The following LRBA variants were observed in gnomAD, a reference collection of about 807,000 sequenced individuals.
LRBA encodes the protein lipopolysaccharide-responsive and beige-like anchor protein.
In LRBA, 176 loss-of-function variants were observed where a neutral mutation model predicts 330.0. That is an observed-to-expected ratio of 0.53 (90% confidence interval 0.47 to 0.60). The LOEUF (loss-of-function observed/expected upper bound fraction) is 0.60, where lower values mean the gene tolerates loss of function less well. Ranked by LOEUF, LRBA falls within the 20% of genes least tolerant of loss-of-function variation. The pLI is 0.00. For missense variants in LRBA, 3,259 were observed against 3,444.8 expected, an observed-to-expected ratio of 0.95 and a Z score of 1.35; for synonymous variants, 1,230 against 1,193.0, an observed-to-expected ratio of 1.03 and a Z score of -0.64.
chr4:150,779,808 C>A (rs1172587157), intron 34 of LRBA, among the ~76,000 whole-genome samples: 1 of 152,046 alleles, frequency 6.6e-6, no homozygotes, highest in African/African-American at 2.4e-5. Flanking sequence ...CAACCTCAAT[C>A]CATTTGTAAA....
chr4:150,445,371 CTCTCTCTATATA>C (rs1205139592), intron 44 of LRBA, among the ~76,000 whole-genome samples: 44 of 84,382 alleles, frequency 5.2e-4, no homozygotes, highest in East Asian at 3.0e-3. Context: ...CTCTCTCTCT[CTCTCTCTATATA>C]TATATATATA....
chr4:150,814,776 TG>T (rs1362714162), intron 31 of LRBA, among the ~76,000 whole-genome samples: 1 of 152,034 alleles, frequency 6.6e-6, no homozygotes, highest in Non-Finnish European at 1.5e-5. Context: ...CATTATGAGC[TG>T]GATCAATGGT....
At chr4:150,930,502 T>A (rs540561324) in intron 2 of LRBA, among the ~76,000 whole-genome samples, 46 of 151,394 alleles carry the variant, frequency 3.0e-4, no homozygotes, top group Admixed American at 4.6e-4. Flanking sequence ...CAAAAAAAAA[T>A]AAAAATAAAA....
chr4:150,481,011 C>T (rs1357657168), intron 42 of LRBA, among the ~76,000 whole-genome samples: 1 of 152,136 alleles, frequency 6.6e-6, no homozygotes, highest in Non-Finnish European at 1.5e-5. Context: ...TTTTGATCCT[C>T]GAGTATCCAC....
chr4:150,422,127 T>C (rs1748889474), intron 46 of LRBA, among the ~76,000 whole-genome samples: 1 of 152,080 alleles, frequency 6.6e-6, no homozygotes. Flanking sequence ...TCGGGCATCA[T>C]GGCATATGTC....
intron 40 of LRBA, among the ~76,000 whole-genome samples, chr4:150,570,612 TTC>T (rs1769718411): frequency 6.6e-6 from 1 of 152,220 alleles, no homozygotes; most frequent in East Asian, 1.9e-4. Flanking sequence ...GAGTCATTCA[TTC>T]TCTTTTTGTA....
intron 46 of LRBA, among the ~76,000 whole-genome samples, chr4:150,423,882 G>T (rs532501868): frequency 6.6e-6 from 1 of 152,288 alleles, no homozygotes; most frequent in South Asian, 2.1e-4. Context: ...AATAGAGAAA[G>T]AATATATTTT....
chr4:150,828,711 T>G (rs1282554997), intron 29 of LRBA, 90 bp from the exon 30 acceptor site: 1 of 1,111,704 alleles, frequency 9.0e-7, no homozygotes, highest in East Asian at 2.4e-5. Flanking sequence ...AGCTATCTAC[T>G]GTTTTGAATT....
intron 34 of LRBA, among the ~76,000 whole-genome samples, chr4:150,781,920 T>A (rs1016502000): frequency 6.6e-6 from 1 of 152,150 alleles, no homozygotes; most frequent in Non-Finnish European, 1.5e-5. Flanking sequence ...TTTTTTTAAT[T>A]TTTTTGAGAA....
intron 40 of LRBA, among the ~76,000 whole-genome samples, chr4:150,499,693 C>T (rs1760014249): frequency 6.6e-6 from 1 of 151,364 alleles, no homozygotes; most frequent in African/African-American, 2.4e-5. Context: ...TAGTCATAAG[C>T]TTTCTATTCC....
At chr4:150,892,275 T>C (rs1729549070) in intron 17 of LRBA, among the ~76,000 whole-genome samples, 1 of 152,224 alleles carries the variant, frequency 6.6e-6, no homozygotes, top group Non-Finnish European at 1.5e-5. Context: ...ATGACTGTAA[T>C]GGACCAAATG....
At position 150,870,587 on chromosome 4, in the gene LRBA, C is replaced by A. The variant is rs1346850653; in HGVS notation, c.2387G>T (p.Gly796Val). The A allele has an allele frequency of 6.4e-7, 1 of 1,565,246 alleles. No homozygotes were observed. Among genetic ancestry groups the A allele is most frequent in the East Asian group, 2.2e-5 (1 of 44,514 alleles). ...VLFEILIEQI[G>V]TQVIHKQHPD... ...ATGCTGTTTATGTATCACCTGAGTA[C>A]CAATCTGTTCTATAAGAATCTACAG... Residue 796 changes from glycine to valine, a missense_variant, in exon 20 of 57, where the codon GGT becomes GTT. Physicochemically the swap from Gly to Val is moderately radical, Grantham distance 109. Transcript: ENST00000651943.
intron 46 of LRBA, among the ~76,000 whole-genome samples, chr4:150,419,640 T>G (rs1465289306): frequency 1.4e-5 from 2 of 145,558 alleles, no homozygotes; most frequent in Non-Finnish European, 3.0e-5. Context: ...TATCTTTTTT[T>G]TTTTTTTTTT....
intron 40 of LRBA, among the ~76,000 whole-genome samples, chr4:150,559,866 A>T (rs9998999): frequency 2.6e-5 from 2 of 75,652 alleles, no homozygotes; most frequent in African/African-American, 1.1e-4. Context: ...AATTATATAT[A>T]ATATATAATT....
chr4:150,661,034 C>A lies in LRBA; in HGVS notation c.5921+22517G>T, dbSNP rs1435466421. On this transcript the variant is annotated intron_variant, in intron 37 of 56. Coordinates refer to ENST00000651943, the MANE Select transcript of LRBA (RefSeq NM_001364905.1). ...ATTGTCCCATGACCCTGCCAAATCCCCCTCTGTGAGAAACACCCAAGAATT... is the reference window on the plus strand; with the variant it reads ...ATTGTCCCATGACCCTGCCAAATCCACCTCTGTGAGAAACACCCAAGAATT... 4.1e-5 allele frequency among the ~76,000 whole-genome samples: 5 copies of A among 121,160 alleles called. No individual in the cohort carries two copies. The Admixed American group carries it at 4.3e-4, about 10-fold the overall frequency. 79.5% of individuals were successfully genotyped at this position (121,160 alleles called of 152,430 possible).
chr4:150,302,992 A>G (rs1334886207), intron 52 of LRBA, among the ~76,000 whole-genome samples, 200 bp from the exon 53 acceptor site: 1 of 152,220 alleles, frequency 6.6e-6, no homozygotes, highest in East Asian at 1.9e-4. Context: ...AATTGTTAAC[A>G]TTTTTGAAAG....
At chr4:150,305,180 C>T (rs547918446) in intron 52 of LRBA, among the ~76,000 whole-genome samples, 1 of 152,234 alleles carries the variant, frequency 6.6e-6, no homozygotes, top group East Asian at 1.9e-4. Flanking sequence ...TTGCAAAGAA[C>T]AGCTATTCAC....
At chr4:150,833,589 CT>C (rs1364879397) in intron 28 of LRBA, among the ~76,000 whole-genome samples, 12 of 151,992 alleles carry the variant, frequency 7.9e-5, no homozygotes, top group South Asian at 2.1e-4. Flanking sequence ...AGCATTGTAT[CT>C]AAAAAAAACG....
At chr4:150,406,032 G>C (rs903148537) in intron 47 of LRBA, among the ~76,000 whole-genome samples, 1 of 152,138 alleles carries the variant, frequency 6.6e-6, no homozygotes, top group African/African-American at 2.4e-5. Flanking sequence ...TCTAGCCTGG[G>C]TGACAGAGTG....
Sources: gnomAD v4.1 joint callset for allele counts (sites outside exome capture counted in the v4.1 genomes callset) on GRCh38, gnomAD v4.1.1 for gene constraint, MANE v1.5 for transcripts, NCBI Gene and HGNC (gene_info 2026-07-23, HGNC 2026-07-21) for gene names.